Variants in SERPINE3 observed in about 807,000 individuals in gnomAD.
The protein encoded by SERPINE3 is serpin E3.
In SERPINE3, 43 loss-of-function variants were observed where a neutral mutation model predicts 41.7. That is an observed-to-expected ratio of 1.03 (90% CI 0.81 to 1.33). SERPINE3 has a LOEUF of 1.33. Among genes scored for constraint, SERPINE3 ranks in the 40% most tolerant of loss-of-function variants. The pLI is 0.00. For synonymous variants in SERPINE3, 200 were observed against 192.2 expected (o/e 1.04, Z -0.34); for missense variants, 440 against 491.7 (o/e 0.89, Z 0.99).
At chr13:51,351,739 T>C (rs1033226422) in intron 6 of SERPINE3, among the ~76,000 whole-genome samples, 2 of 152,088 alleles carry the variant, frequency 1.3e-5, no homozygotes, top group Non-Finnish European at 2.9e-5. Flanking sequence ...AATTTAGGTG[T>C]ATGTTTTTTT....
chr13:51,355,280 T>C, intron 7 of SERPINE3, 137 bp downstream of exon 7: 1 of 575,924 alleles, frequency 1.7e-6, no homozygotes, highest in Non-Finnish European at 3.1e-6. Context: ...TATAAGAATG[T>C]GTTGCTTCTA....
In SERPINE3 at chr13:51,351,625, G is replaced by GT. The variant is rs529029394; in HGVS notation, c.899+3216dup. On this transcript the variant is annotated intron_variant, in intron 6 of 9. Transcript: ENST00000681248. ...TGGTGTCCTTTGAAGCACAAAAGTT[G>GT]TTAATTTGGATGAAGCTCAATTAAT... Among the ~76,000 whole-genome samples the GT allele has an allele frequency of 4.3e-3, 651 of 152,144 alleles. 2 individuals are homozygous for GT. The highest frequency in any genetic ancestry group is 6.3e-3 in the Non-Finnish European group (427 of 67,928).
At chr13:51,342,179 A>C (rs1955299491) in intron 3 of SERPINE3, among the ~76,000 whole-genome samples, 1 of 85,110 alleles carries the variant, frequency 1.2e-5, no homozygotes, top group South Asian at 3.4e-4. Flanking sequence ...AAGACAGAAC[A>C]AAAAAAAAAA....
At chr13:51,353,215 A>C (rs957320660) in intron 6 of SERPINE3, among the ~76,000 whole-genome samples, 1 of 151,990 alleles carries the variant, frequency 6.6e-6, no homozygotes, top group Non-Finnish European at 1.5e-5. Context: ...TAGTTTATGA[A>C]AAATGATATT....
intron 6 of SERPINE3, 141 bp from the exon 7 acceptor site, chr13:51,354,902 G>T: frequency 1.6e-6 from 1 of 615,076 alleles, no homozygotes; most frequent in Non-Finnish European, 2.9e-6. Flanking sequence ...TTATGGGAAG[G>T]CGCCATGGAA....
At chr13:51,347,406 A>C (rs1955358690) in intron 5 of SERPINE3, among the ~76,000 whole-genome samples, 172 bp downstream of exon 5, 1 of 152,190 alleles carries the variant, frequency 6.6e-6, no homozygotes, top group Admixed American at 6.5e-5. Context: ...CGGAGACTTT[A>C]GAGAGGAGTG....
chr13:51,347,956 T>TC (rs139973827), intron 5 of SERPINE3, among the ~76,000 whole-genome samples: 5,584 of 147,208 alleles, frequency 0.038, 112 homozygotes, highest in Non-Finnish European at 0.052. Context: ...TGTGCCATCG[T>TC]CCCCCCCCCC....
At chr13:51,347,758 T>A (rs1955361896) in intron 5 of SERPINE3, among the ~76,000 whole-genome samples, 2 of 152,178 alleles carry the variant, frequency 1.3e-5, no homozygotes, top group African/African-American at 2.4e-5. Context: ...ATATGAACCA[T>A]CCCTTTGTCC....
chr13:51,359,639 G>C (rs1271829739), intron 7 of SERPINE3, among the ~76,000 whole-genome samples: 1 of 152,072 alleles, frequency 6.6e-6, no homozygotes, highest in African/African-American at 2.4e-5. Flanking sequence ...CACATTTACT[G>C]TATTTTAGCT....
chr13:51,360,178 G>A (rs773139554), intron 7 of SERPINE3, among the ~76,000 whole-genome samples: 16 of 152,034 alleles, frequency 1.1e-4, no homozygotes, highest in Non-Finnish European at 2.2e-4. Context: ...CAATTTAAGC[G>A]TTAGTCTAAG....
intron 5 of SERPINE3, among the ~76,000 whole-genome samples, chr13:51,347,459 G>T (rs1955359055): frequency 6.6e-6 from 1 of 152,170 alleles, no homozygotes; most frequent in Admixed American, 6.5e-5. Flanking sequence ...CACAGATGTG[G>T]AAGAGAAACT....
chr13:51,361,831 C>G lies in SERPINE3; in HGVS notation c.1109C>G (p.Ser370Cys). ...GCAGCTCTGTTGTTATTGAAAAGGT[C>G]TCGGATTCCTATTTTTAAAGCAGAT... ...GATALLLLKR[S>C]RIPIFKADRP... The change falls in exon 9 of 10, where the codon TCT becomes TGT. Residue 370 changes from serine (S) to cysteine (C), a missense_variant. By Grantham distance (112) the Ser-to-Cys change is moderately radical. Coordinates refer to ENST00000681248, the MANE Select transcript of SERPINE3 (RefSeq NM_001386375.1). The G allele has an allele frequency of 6.2e-7, 1 of 1,610,030 alleles. No homozygotes were observed. The highest frequency in any genetic ancestry group is 1.3e-5 in the African/African-American group (1 of 74,746).
chr13:51,347,009 G>T lies in SERPINE3; in HGVS notation c.491-16G>T, dbSNP rs376844787. On this transcript the variant is annotated splice_polypyrimidine_tract_variant and intron_variant, in intron 4 of 9. Coordinates refer to ENST00000681248, the MANE Select transcript of SERPINE3 (RefSeq NM_001386375.1). ...TGCACATTTAACCCATGGCCACCTT[G>T]CTTTCCTGCTTGCAGGTGGGGGCCC... 7.7e-6 allele frequency: 12 copies of T among 1,556,910 alleles called. No homozygotes were observed. Among genetic ancestry groups the T allele is most frequent in the Non-Finnish European group, 2.6e-6 (3 of 1,147,874 alleles).
intron 4 of SERPINE3, among the ~76,000 whole-genome samples, chr13:51,346,500 A>G (rs1444450295): frequency 6.6e-6 from 1 of 152,140 alleles, no homozygotes; most frequent in African/African-American, 2.4e-5. Context: ...ACAGCTGGTT[A>G]TAAACACATA....
At position 51,361,572 on chromosome 13, in the gene SERPINE3, GAA is replaced by G. The variant is rs556046679; in HGVS notation, c.1087+210_1087+211del. 428 of 586,004 alleles carry G rather than the reference GAA, an allele frequency of 7.3e-4. 2 individuals carry two copies. Among genetic ancestry groups the G allele is most frequent in the Non-Finnish European group, 1.1e-3 (364 of 334,956 alleles). The allele number at this position is 586,004 out of a possible 1,614,324, so 36.3% of individuals were successfully genotyped here. A position where few individuals can be genotyped will look rare whatever the true frequency, so the allele number is the denominator to read the frequency against. On this transcript the variant is annotated intron_variant, in intron 8 of 9. Transcript: ENST00000681248. ...ATATCCATCCCATAAAAATAATTCT[GAA>G]AGTTACCTTCAATAAGGAATTTATT... is the stretch of plus-strand genomic sequence containing the variant.
chr13:51,364,565 T>C lies in SERPINE3; in HGVS notation c.*283T>C, dbSNP rs1296208783. The C allele has an allele frequency of 6.6e-6, 2 of 301,198 alleles. No homozygotes were observed. The highest frequency in any genetic ancestry group is 2.2e-5 in the African/African-American group (1 of 45,812). 18.7% of individuals were successfully genotyped at this position (301,198 alleles called of 1,614,324 possible). ...ATGGTGAGTGAGTCAGGCCATAAGA[T>C]TGCTTCCTCAGTACGGATACTCTAG... On this transcript the variant is annotated 3_prime_UTR_variant, in exon 10 of 10. Transcript: ENST00000681248.
chr13:51,355,213 G>T, intron 7 of SERPINE3, 70 bp downstream of exon 7: 1 of 731,228 alleles, frequency 1.4e-6, no homozygotes, highest in South Asian at 1.7e-5. Flanking sequence ...TTTGATTAAG[G>T]GATTCTCATT....
intron 7 of SERPINE3, among the ~76,000 whole-genome samples, chr13:51,357,658 G>A (rs1418618181): frequency 6.6e-6 from 1 of 151,936 alleles, no homozygotes; most frequent in Non-Finnish European, 1.5e-5. Context: ...GCTGAAACCA[G>A]AGTGTAGTTC....
chr13:51,347,235 G>A lies in SERPINE3; in HGVS notation c.700+1G>A, dbSNP rs1955356701. 1 of 1,612,642 alleles carries A rather than the reference G, an allele frequency of 6.2e-7. No homozygotes were observed. The highest frequency in any genetic ancestry group is 1.3e-5 in the African/African-American group (1 of 74,910). On this transcript the variant is annotated splice_donor_variant, in intron 5 of 9. Transcript: ENST00000681248. LOFTEE classifies it high-confidence loss of function. ...CACCAAACGACCGAGGTCAACTACG[G>A]TGAGCTCTGCCCCTGCTGGTTTGTC...
Sources: gnomAD v4.1 joint callset for allele counts (sites outside exome capture counted in the v4.1 genomes callset) on GRCh38, gnomAD v4.1.1 for gene constraint, MANE v1.5 for transcripts, NCBI Gene and HGNC (gene_info 2026-07-23, HGNC 2026-07-21) for gene names.